Variants in DNM2 observed in about 807,000 individuals in gnomAD.
DNM2 encodes the protein dynamin 2.
Under a neutral mutation model 99.0 loss-of-function variants are expected in DNM2, and 15 were observed. The observed-to-expected ratio is 0.15, with a 90% confidence interval of 0.10 to 0.23. The LOEUF is 0.23. Ranked by LOEUF, DNM2 falls within the 10% of genes least tolerant of loss-of-function variation. DNM2 has a pLI of 1.00. For synonymous variants in DNM2, 525 were observed against 481.2 expected (o/e 1.09, Z -1.19); for missense variants, 742 against 1,189.4 (o/e 0.62, Z 5.53).
chr19:10,785,318 G>A (rs1031987337), intron 6 of DNM2, among the ~76,000 whole-genome samples: 6 of 149,356 alleles, frequency 4.0e-5, no homozygotes, highest in South Asian at 2.1e-4. Flanking sequence ...TAGTAGAGAC[G>A]GGGTTTCACC....
intron 6 of DNM2, 176 bp from the exon 7 acceptor site, chr19:10,786,388 C>T (rs879586867): frequency 1.2e-4 from 128 of 1,078,070 alleles, no homozygotes; most frequent in Non-Finnish European, 1.7e-4. Flanking sequence ...CGTCTCCGTT[C>T]CCAGACATGA....
At chr19:10,808,145 G>GAAA (rs199796895) in intron 13 of DNM2, among the ~76,000 whole-genome samples, 1 of 138,764 alleles carries the variant, frequency 7.2e-6, no homozygotes. Context: ...TCCATATCAG[G>GAAA]AAAAAAAAAA....
rs2072928101 is a variant in DNM2 at position 10,820,184 on chromosome 19, TCAG to T, written c.1781+99_1781+101del. ...TCACTGAGCACTGAGCACCTGGCTG[TCAG>T]CAGTCCCTGCCCTTGGGACCCAGCT... On this transcript the variant is annotated intron_variant, in intron 16 of 20. Coordinates refer to ENST00000389253, the MANE Select transcript of DNM2 (RefSeq NM_001005361.3). The surrounding 1 kb of genome is among the most constrained non-coding windows in gnomAD (Gnocchi z 4.3). 1 of 1,236,648 alleles carries T rather than the reference TCAG, an allele frequency of 8.1e-7. No homozygotes were observed. Among genetic ancestry groups the T allele is most frequent in the Non-Finnish European group, 1.2e-6 (1 of 845,594 alleles). 76.6% of individuals were successfully genotyped at this position (1,236,648 alleles called of 1,614,324 possible).
chr19:10,737,739 C>G (rs2069580928), intron 1 of DNM2, among the ~76,000 whole-genome samples: 1 of 152,162 alleles, frequency 6.6e-6, no homozygotes, highest in East Asian at 1.9e-4. Flanking sequence ...CCAGCCTTGG[C>G]CTCCCAAAGT....
intron 11 of DNM2, among the ~76,000 whole-genome samples, chr19:10,800,813 A>G (rs1374100165): frequency 6.6e-6 from 1 of 152,262 alleles, no homozygotes; most frequent in Non-Finnish European, 1.5e-5. Context: ...AAAGACAAGA[A>G]GGATGAGGGA....
At position 10,770,760 on chromosome 19, in the gene DNM2, T is replaced by C. The variant is rs1270775141; in HGVS notation, c.236-1719T>C. Among the ~76,000 whole-genome samples, 6 of 152,076 alleles carry C rather than the reference T, an allele frequency of 3.9e-5. No individual in the cohort carries two copies. The East Asian group carries it at 9.7e-4, about 24-fold the overall frequency. On this transcript the variant is annotated intron_variant, in intron 2 of 20. Transcript: ENST00000389253. The stretch of plus-strand genomic sequence containing the variant: ...CTCCTGTTTTTAAAACCATCAGATC[T>C]CGTGAGACTTATTCTCTATCACGAG...
At chr19:10,738,455 A>T (rs1421403880) in intron 1 of DNM2, among the ~76,000 whole-genome samples, 1 of 151,676 alleles carries the variant, frequency 6.6e-6, no homozygotes, top group African/African-American at 2.4e-5. Flanking sequence ...CATGTCAACA[A>T]AAACAGACAA....
intron 2 of DNM2, among the ~76,000 whole-genome samples, chr19:10,767,642 A>G (rs1306235215): frequency 6.6e-6 from 1 of 151,812 alleles, no homozygotes; most frequent in Non-Finnish European, 1.5e-5. Flanking sequence ...ATGATGGCTC[A>G]TGCCTGTAAT....
chr19:10,829,322 C>T (rs1049152993), intron 19 of DNM2, 54 bp downstream of exon 19: 3 of 1,590,262 alleles, frequency 1.9e-6, no homozygotes, highest in Non-Finnish European at 1.7e-6. Context: ...GGTTCCTGCC[C>T]TCCCTGTGTG....
rs367668857 is a variant in DNM2, at chr19:10,775,501, G to A, written c.386-202G>A. Among the ~76,000 whole-genome samples the A allele has an allele frequency of 6.6e-6, 1 of 152,216 alleles. No individual in the cohort carries two copies. The highest frequency in any genetic ancestry group is 1.5e-5 in the Non-Finnish European group (1 of 68,042). On this transcript the variant is annotated intron_variant, in intron 3 of 20. Coordinates refer to ENST00000389253, the MANE Select transcript of DNM2 (RefSeq NM_001005361.3). This position sits in a 1 kb window ranked among gnomAD's most constrained non-coding sequence, Gnocchi z 4.3. ...TGATTTAGAACTGTGCCATTGAAATGGAGTAGGTAGAAGGTATCTGTAGGA... is the reference window on the plus strand; with the variant it reads ...TGATTTAGAACTGTGCCATTGAAATAGAGTAGGTAGAAGGTATCTGTAGGA...
chr19:10,783,705 A>ATT lies in DNM2; in HGVS notation c.849+590_849+591dup, dbSNP rs1020896849. 6.2e-5 allele frequency among the ~76,000 whole-genome samples: 9 copies of ATT among 145,326 alleles called. No homozygotes were observed. In the East Asian group the frequency reaches 9.8e-4, roughly 16 times the overall value. ...TATTATTATTATTATTATTATTATT[A>ATT]TTTTTTATTTTTGGAGACACAGTCT... On this transcript the variant is annotated intron_variant, in intron 6 of 20. Transcript: ENST00000389253.
At chr19:10,728,369 T>A (rs2069180630) in intron 1 of DNM2, among the ~76,000 whole-genome samples, 2 of 152,100 alleles carry the variant, frequency 1.3e-5, no homozygotes, top group Non-Finnish European at 2.9e-5. Context: ...GAGTTGGAGC[T>A]TGAACTGGAT....
chr19:10,759,823 C>T lies in DNM2; in HGVS notation c.235+12C>T, dbSNP rs147026993. ...CTTCTCAAAAACAGGTAAAATGGGGCGGCCTGAGGTTCAGCAGGAAGTGGA... is the reference window on the plus strand; with the variant it reads ...CTTCTCAAAAACAGGTAAAATGGGGTGGCCTGAGGTTCAGCAGGAAGTGGA... On this transcript the variant is annotated intron_variant, in intron 2 of 20. Transcript: ENST00000389253. The T allele has an allele frequency of 5.0e-6, 8 of 1,614,018 alleles. No homozygotes were observed. Among genetic ancestry groups the T allele is most frequent in the East Asian group, 2.2e-5 (1 of 44,878 alleles).
chr19:10,801,001 C>T (rs1253072245), intron 11 of DNM2, among the ~76,000 whole-genome samples: 2 of 152,242 alleles, frequency 1.3e-5, no homozygotes, highest in African/African-American at 4.8e-5. Context: ...ACTTTGAACA[C>T]GCCAGGCGCT....
intron 1 of DNM2, among the ~76,000 whole-genome samples, chr19:10,753,964 T>A (rs2070294953): frequency 6.6e-6 from 1 of 152,118 alleles, no homozygotes; most frequent in Non-Finnish European, 1.5e-5. Context: ...GCAATATATC[T>A]TATATATAAG....
chr19:10,808,870 C>T (rs546655272), intron 14 of DNM2: 22 of 402,486 alleles, frequency 5.5e-5, no homozygotes, highest in Admixed American at 2.5e-4. Context: ...CAAATACTTA[C>T]ACACCGCCCC....
rs115610101 is a variant in DNM2, at chr19:10,753,936, C to T, written c.162-5802C>T. 6.5e-3 allele frequency among the ~76,000 whole-genome samples: 984 copies of T among 152,126 alleles called. 20 individuals are homozygous for T. Among genetic ancestry groups the T allele is most frequent in the African/African-American group, 0.022 (931 of 41,478 alleles). On this transcript the variant is annotated intron_variant, in intron 1 of 20. Coordinates refer to ENST00000389253, the MANE Select transcript of DNM2 (RefSeq NM_001005361.3). ...CCTCTGAAAGTGTTTGGATTACAGG[C>T]GTGAGCCATTATGCCCAGCAATATA...
At chr19:10,745,356 A>G (rs2069927270) in intron 1 of DNM2, among the ~76,000 whole-genome samples, 1 of 152,162 alleles carries the variant, frequency 6.6e-6, no homozygotes, top group Non-Finnish European at 1.5e-5. Flanking sequence ...AAACCACTGC[A>G]TTAATATGTT....
rs764065227 is a variant in DNM2, at chr19:10,811,754, C to T, written c.1558-510C>T. The T allele has an allele frequency of 7.7e-6, 4 of 518,738 alleles. No individual in the cohort carries two copies. Among genetic ancestry groups the T allele is most frequent in the South Asian group, 1.4e-5 (1 of 71,530 alleles). 32.1% of individuals were successfully genotyped at this position (518,738 alleles called of 1,614,324 possible). A position where few individuals can be genotyped will look rare whatever the true frequency, so the allele number is the denominator to read the frequency against. On this transcript the variant is annotated intron_variant, in intron 14 of 20. Coordinates refer to ENST00000389253, the MANE Select transcript of DNM2 (RefSeq NM_001005361.3). The surrounding 1 kb of genome is among the most constrained non-coding windows in gnomAD (Gnocchi z 5.4). ...ATCCCCATCCATGGGGTCTCCCAGC[C>T]TGAAACCCTGATGTGTCAGTCAAAA...
Sources: gnomAD v4.1 joint callset for allele counts (sites outside exome capture counted in the v4.1 genomes callset) on GRCh38, gnomAD v4.1.1 for gene constraint, Gnocchi (gnomAD v3.1) non-coding constraint, MANE v1.5 for transcripts, NCBI Gene and HGNC (gene_info 2026-07-23, HGNC 2026-07-21) for gene names.